Variants in DCDC2B observed in about 807,000 individuals in gnomAD.
DCDC2B encodes doublecortin domain containing 2B.
A neutral mutation model predicts 38.9 loss-of-function variants in DCDC2B; 41 were observed. The ratio of observed to expected loss-of-function variants is 1.05; its 90% confidence interval spans 0.82 to 1.37. The LOEUF is 1.37. Ranked by LOEUF, DCDC2B falls within the 40% of genes most tolerant of loss-of-function variation. The pLI, the probability that DCDC2B is intolerant of heterozygous loss-of-function variation, is 0.00. For missense variants in DCDC2B, 453 were observed against 427.2 expected (o/e 1.06, Z -0.53); for synonymous variants, 181 against 171.9 (o/e 1.05, Z -0.41).
intron 6 of DCDC2B, 104 bp from the exon 7 acceptor site, chr1:32,214,693 C>T: frequency 6.6e-7 from 1 of 1,509,254 alleles, no homozygotes; most frequent in Non-Finnish European, 9.0e-7. Flanking sequence ...GTCTCCTCTG[C>T]CATGTTCCTG....
In DCDC2B at chr1:32,209,318, G is replaced by A; in HGVS notation, c.225G>A (p.Gly75=). Residue 75 remains glycine, a synonymous_variant, in exon 1 of 9, where the codon GGG becomes GGA. Coordinates refer to ENST00000409358, the MANE Select transcript of DCDC2B (RefSeq NM_001099434.2). ...ACCTGGCAGACTTGAAGAACAGAGG[G>A]CAGTATGTGGCCGCTGGATTTGAAC... ...VTNLADLKNR[G]QYVAAGFERF... is the part of the protein sequence containing the mutation. 6.2e-7 allele frequency: 1 copy of A among 1,614,002 alleles called. No homozygotes were observed. Among genetic ancestry groups the A allele is most frequent in the Non-Finnish European group, 8.5e-7 (1 of 1,179,898 alleles).
At chr1:32,211,364 C>T in intron 2 of DCDC2B, 41 bp downstream of exon 2, 1 of 1,608,942 alleles carries the variant, frequency 6.2e-7, no homozygotes, top group Non-Finnish European at 8.5e-7. Flanking sequence ...CTCTGTCTTC[C>T]CACTCCTCCT....
At chr1:32,210,511 A>G (rs1044438446) in intron 1 of DCDC2B, among the ~76,000 whole-genome samples, 9 of 151,816 alleles carry the variant, frequency 5.9e-5, no homozygotes, top group South Asian at 2.1e-4. Context: ...AAGAAAAAAA[A>G]AGAGAAAAAA....
intron 2 of DCDC2B, 147 bp downstream of exon 2, chr1:32,211,470 G>T: frequency 1.2e-6 from 1 of 825,972 alleles, no homozygotes; most frequent in South Asian, 1.7e-5. Context: ...CTTTCCTGGG[G>T]CGTGGGATTT....
intron 6 of DCDC2B, among the ~76,000 whole-genome samples, chr1:32,214,000 G>A (rs1643693767): frequency 6.6e-6 from 1 of 151,786 alleles, no homozygotes; most frequent in South Asian, 2.1e-4. Context: ...TTCCAGAGGT[G>A]GAAACTGAAG....
At chr1:32,210,623 C>T (rs184271727) in intron 1 of DCDC2B, among the ~76,000 whole-genome samples, 77 of 152,150 alleles carry the variant, frequency 5.1e-4, no homozygotes, top group African/African-American at 1.8e-3. Flanking sequence ...GAATCTCATA[C>T]AAAATGGAGA....
Position 32,209,330 on chromosome 1 carries a change from C to A in DCDC2B, c.237C>A (p.Ala79=), listed in dbSNP as rs755707694. The A allele has an allele frequency of 7.4e-6, 12 of 1,613,906 alleles. No homozygotes were observed. Among genetic ancestry groups the A allele is most frequent in the Non-Finnish European group, 1.0e-5 (12 of 1,179,874 alleles). ...TGAAGAACAGAGGGCAGTATGTGGC[C>A]GCTGGATTTGAACGATTCCACAAGC... ...ADLKNRGQYV[A]AGFERFHKLH... Residue 79 remains alanine, a synonymous_variant, in exon 1 of 9, where the codon GCC becomes GCA. Coordinates refer to ENST00000409358, the MANE Select transcript of DCDC2B (RefSeq NM_001099434.2).
At chr1:32,212,818 G>T in intron 6 of DCDC2B, 25 bp downstream of exon 6, 8 of 1,612,406 alleles carry the variant, frequency 5.0e-6, no homozygotes, top group Non-Finnish European at 6.8e-6. Flanking sequence ...GGACAATGAG[G>T]GGTGGGAAGA....
chr1:32,212,430 G>T, intron 4 of DCDC2B, 60 bp from the exon 5 acceptor site: 9 of 1,599,392 alleles, frequency 5.6e-6, no homozygotes, highest in Non-Finnish European at 7.7e-6. Context: ...CCTTCAGTCT[G>T]CTGAATGTGA....
Position 32,211,765 on chromosome 1 carries a change from C to A in DCDC2B, c.323C>A (p.Pro108His). Residue 108 changes from proline (P) to histidine (H), a missense_variant, in exon 3 of 9, where the codon CCT becomes CAT. Pro to His is a moderately conservative substitution (Grantham distance 77). Transcript: ENST00000409358. ...GAGGCCTGACATGGGTTTCAGGGTC[C>A]TCCCGTGACTCGCCACTTGTGTGAT... ...PGGKSCRLQG[P>H]PVTRHLCDGA... is the part of the protein sequence containing the mutation. The A allele has an allele frequency of 6.2e-7, 1 of 1,606,920 alleles. No homozygotes were observed.
At chr1:32,211,407 G>A (rs1029924121) in intron 2 of DCDC2B, 84 bp downstream of exon 2, 1 of 1,418,080 alleles carries the variant, frequency 7.1e-7, no homozygotes, top group Non-Finnish European at 9.8e-7. Context: ...GGGAAGCCAG[G>A]GAAGCAGCAG....
chr1:32,210,708 TCTTGA>T (rs1221037394), intron 1 of DCDC2B, among the ~76,000 whole-genome samples: 4 of 151,822 alleles, frequency 2.6e-5, no homozygotes, highest in Admixed American at 1.3e-4. Flanking sequence ...TTCTAGTTTC[TCTTGA>T]CTTTTTTTTT....
chr1:32,212,219 G>A lies in DCDC2B; in HGVS notation c.527+18G>A, dbSNP rs898756521. On this transcript the variant is annotated intron_variant, in intron 4 of 8. Coordinates refer to ENST00000409358, the MANE Select transcript of DCDC2B (RefSeq NM_001099434.2). ...GTGTGCAAGTGAGTATGGGGACTGCGAGGGCCCAAAAGTCCCCAAAGAGAG... is the reference window on the plus strand; with the variant it reads ...GTGTGCAAGTGAGTATGGGGACTGCAAGGGCCCAAAAGTCCCCAAAGAGAG... 32 of 1,608,582 alleles carry A rather than the reference G, an allele frequency of 2.0e-5. No homozygotes were observed. Among genetic ancestry groups the A allele is most frequent in the Middle Eastern group, 2.0e-4 (1 of 4,988 alleles).
chr1:32,215,077 G>A, intron 7 of DCDC2B, 145 bp downstream of exon 7: 1 of 1,183,060 alleles, frequency 8.5e-7, no homozygotes. Flanking sequence ...AGATAAAGGA[G>A]TCTGAACCTA....
rs1643629110 is a variant in DCDC2B at position 32,212,508 on chromosome 1, G to T, written c.546G>T (p.Gly182=). The part of the protein sequence containing the change: ...GAVCKLCTLE[G]LPLSAGKELV... ...CTCCCAGACTCTGCACCCTAGAGGG[G>T]CTCCCACTGTCAGCAGGGAAGGAGC... The change falls in exon 5 of 9, where the codon GGG becomes GGT. Residue 182 remains glycine (G), a synonymous_variant. Transcript: ENST00000409358. 1.9e-6 allele frequency: 3 copies of T among 1,613,930 alleles called. No individual in the cohort carries two copies. The highest frequency in any genetic ancestry group is 2.5e-6 in the Non-Finnish European group (3 of 1,179,900).
rs1198153462 is a variant in DCDC2B at position 32,211,282 on chromosome 1, CAT to C, written c.279_280del (p.His93GlnfsTer23). 5 of 1,613,844 alleles carry C rather than the reference CAT, an allele frequency of 3.1e-6. No homozygotes were observed. The East Asian group carries it at 1.1e-4, about 36-fold the overall frequency. ...ERFHKLHYLP[H>X]RGKDPGGKSC... ...TATCTGTCCTTTCAGCTATTTACCC[CAT>C]AGAGGGAAGGACCCAGGTGGGAAGA... On this transcript the variant is annotated frameshift_variant, in exon 2 of 9. Transcript: ENST00000409358. LOFTEE classifies it high-confidence loss of function.
chr1:32,212,231 G>A, intron 4 of DCDC2B, 30 bp downstream of exon 4: 1 of 1,604,032 alleles, frequency 6.2e-7, no homozygotes, highest in Non-Finnish European at 8.5e-7. Context: ...GGGCCCAAAA[G>A]TCCCCAAAGA....
chr1:32,209,974 C>T (rs1430442599), intron 1 of DCDC2B, among the ~76,000 whole-genome samples: 1 of 152,178 alleles, frequency 6.6e-6, no homozygotes, highest in East Asian at 1.9e-4. Context: ...GGGTGGATCA[C>T]CTGAGGTCAG....
chr1:32,212,204 G>C lies in DCDC2B; in HGVS notation c.527+3G>C. 2 of 1,612,406 alleles carry C rather than the reference G, an allele frequency of 1.2e-6. No individual in the cohort carries two copies. Reference sequence around the variant, plus strand: ...TTGCAGAGTGGGGCTGTGTGCAAGTGAGTATGGGGACTGCGAGGGCCCAAA... The same window carrying C: ...TTGCAGAGTGGGGCTGTGTGCAAGTCAGTATGGGGACTGCGAGGGCCCAAA... On this transcript the variant is annotated splice_donor_region_variant and intron_variant, in intron 4 of 8. Transcript: ENST00000409358.
Sources: allele counts gnomAD v4.1 joint callset (sites outside exome capture counted in the v4.1 genomes callset), GRCh38; gene constraint gnomAD v4.1.1; transcripts MANE v1.5; gene names NCBI Gene and HGNC (gene_info 2026-07-23, HGNC 2026-07-21).